LNPK: variants seen among roughly 807,000 people sequenced by gnomAD.
LNPK encodes the protein lunapark, ER junction formation factor.
A neutral mutation model predicts 55.2 loss-of-function variants in LNPK; 29 were observed. The observed-to-expected ratio is 0.53, with a 90% confidence interval of 0.39 to 0.72. LNPK has a LOEUF of 0.72. Ranked by LOEUF, LNPK falls within the 30% of genes least tolerant of loss-of-function variation. LNPK has a pLI of 0.00. For missense variants in LNPK, 467 were observed against 494.8 expected, an observed-to-expected ratio of 0.94 and a Z score of 0.53; for synonymous variants, 162 against 168.2, an observed-to-expected ratio of 0.96 and a Z score of 0.29.
At chr2:175,967,557 C>T in intron 6 of LNPK, 4 of 742,410 alleles carry the variant, frequency 5.4e-6, no homozygotes, top group Non-Finnish European at 6.6e-6. Context: ...TGTAAGAAAA[C>T]TTTCTTTCAT....
chr2:176,001,384 A>G (rs944075044), intron 1 of LNPK, among the ~76,000 whole-genome samples: 2 of 152,208 alleles, frequency 1.3e-5, no homozygotes, highest in African/African-American at 4.8e-5. Flanking sequence ...CGGAAAACTC[A>G]GTGATTCACG....
chr2:175,939,984 C>G (rs780547031), intron 9 of LNPK, among the ~76,000 whole-genome samples: 1 of 151,946 alleles, frequency 6.6e-6, no homozygotes. Flanking sequence ...TAAAAGCCTA[C>G]GTGATAGTAA....
chr2:175,928,232 G>A lies in LNPK; in HGVS notation c.*1735C>T, dbSNP rs532453755. 5.9e-5 allele frequency: 9 copies of A among 152,100 alleles called. No individual in the cohort carries two copies. The South Asian group carries it at 1.2e-3, about 21-fold the overall frequency. The allele number at this position is 152,100 out of a possible 1,614,324, so 9.4% of individuals were successfully genotyped here. Reference sequence around the variant, plus strand: ...TTTTTTACTTTCCTCATCTGCAAGAGGAAAAACTTATGGTCCTTGCATATT... The same window carrying A: ...TTTTTTACTTTCCTCATCTGCAAGAAGAAAAACTTATGGTCCTTGCATATT... On this transcript the variant is annotated 3_prime_UTR_variant, in exon 13 of 13. Coordinates refer to ENST00000272748, the MANE Select transcript of LNPK (RefSeq NM_030650.3).
At chr2:175,956,313 C>T (rs1374448496) in intron 8 of LNPK, among the ~76,000 whole-genome samples, 1 of 150,002 alleles carries the variant, frequency 6.7e-6, no homozygotes, top group East Asian at 2.0e-4. Flanking sequence ...ATTTTTAGGG[C>T]ATCCTCCAAA....
Position 175,992,224 on chromosome 2 carries a change from T to C in LNPK, c.257+7A>G. 4 of 1,533,458 alleles carry C rather than the reference T, an allele frequency of 2.6e-6. No individual in the cohort carries two copies. The highest frequency in any genetic ancestry group is 3.5e-6 in the Non-Finnish European group (4 of 1,146,724). The allele number at this position is 1,533,458 out of a possible 1,614,324, so 95.0% of individuals were successfully genotyped here. On this transcript the variant is annotated splice_region_variant and intron_variant, in intron 4 of 12. Transcript: ENST00000272748. ...GAAAAGATCAACAAAAAGAATAATT[T>C]ACTTACATCAATGGAAAAGCAAAAA...
At chr2:175,986,454 T>A (rs933935825) in intron 4 of LNPK, among the ~76,000 whole-genome samples, 5 of 151,992 alleles carry the variant, frequency 3.3e-5, no homozygotes, top group South Asian at 2.1e-4. Context: ...CCAAAATAAA[T>A]CACTATGTAT....
At chr2:175,968,081 G>A (rs1201000736) in intron 6 of LNPK, among the ~76,000 whole-genome samples, 2 of 152,034 alleles carry the variant, frequency 1.3e-5, no homozygotes, top group South Asian at 2.1e-4. Context: ...TGCCATAAAT[G>A]CCCACAAAAC....
At chr2:175,991,509 AG>A (rs1559074306) in intron 4 of LNPK, among the ~76,000 whole-genome samples, 1 of 152,202 alleles carries the variant, frequency 6.6e-6, no homozygotes, top group Non-Finnish European at 1.5e-5. Flanking sequence ...ATTTTTTTAT[AG>A]TAGTATTCAG....
intron 1 of LNPK, among the ~76,000 whole-genome samples, chr2:176,000,071 G>A (rs1026878725): frequency 2.6e-5 from 4 of 152,104 alleles, no homozygotes; most frequent in African/African-American, 9.7e-5. Context: ...CGACCTAAAT[G>A]TGCTTTTCAA....
chr2:175,989,877 T>C (rs1687614526), intron 4 of LNPK, among the ~76,000 whole-genome samples: 1 of 152,196 alleles, frequency 6.6e-6, no homozygotes, highest in Non-Finnish European at 1.5e-5. Flanking sequence ...AGTATTGATA[T>C]TCTACCATAA....
intron 8 of LNPK, among the ~76,000 whole-genome samples, chr2:175,952,628 C>T (rs1685480291): frequency 6.6e-6 from 1 of 150,528 alleles, no homozygotes; most frequent in African/African-American, 2.4e-5. Flanking sequence ...CTCAATAGGT[C>T]AATGTCTTTT....
intron 12 of LNPK, chr2:175,935,816 T>C (rs1266445549): frequency 3.1e-6 from 2 of 642,170 alleles, no homozygotes; most frequent in Non-Finnish European, 3.9e-6. Flanking sequence ...AGGATAGGTA[T>C]AGCTGGGTGT....
chr2:175,980,454 A>G (rs1359095318), intron 4 of LNPK, among the ~76,000 whole-genome samples: 1 of 152,240 alleles, frequency 6.6e-6, no homozygotes, highest in Non-Finnish European at 1.5e-5. Context: ...AAGATTTTAT[A>G]AGGATAATTC....
chr2:175,990,266 T>G (rs2105714931), intron 4 of LNPK, among the ~76,000 whole-genome samples: 1 of 152,294 alleles, frequency 6.6e-6, no homozygotes, highest in East Asian at 1.9e-4. Flanking sequence ...GGCGAGAGTT[T>G]GCCCTCTATT....
chr2:175,966,176 G>T (rs898905960), intron 6 of LNPK, among the ~76,000 whole-genome samples: 3 of 152,114 alleles, frequency 2.0e-5, no homozygotes, highest in Non-Finnish European at 4.4e-5. Flanking sequence ...GCGATTCTCT[G>T]CCTCAGGCTC....
chr2:175,947,547 A>T lies in LNPK; in HGVS notation c.639T>A (p.Thr213=). 1.2e-6 allele frequency: 2 copies of T among 1,614,050 alleles called. No homozygotes were observed. Among genetic ancestry groups the T allele is most frequent in the African/African-American group, 2.7e-5 (2 of 75,048 alleles). Residue 213 remains threonine, a synonymous_variant, in exon 9 of 13, where the codon ACT becomes ACA. Coordinates refer to ENST00000272748, the MANE Select transcript of LNPK (RefSeq NM_030650.3). ...GTAACACATTTGATGATAGGGCTGG[A>T]GTAACAGTCCTTTCTGGGGGTCCAC... ...APGGPPERTV[T]PALSSNVLPR... is the part of the protein sequence containing the mutation.
At chr2:175,993,953 A>G (rs1423963927) in intron 2 of LNPK, among the ~76,000 whole-genome samples, 1 of 152,192 alleles carries the variant, frequency 6.6e-6, no homozygotes, top group Non-Finnish European at 1.5e-5. Context: ...AAGACTCTGG[A>G]GGTCAAAATC....
In LNPK at chr2:175,925,661, C is replaced by CTTTTTTTTTTTTTTTTTTTTTTTT. The variant is rs756849996; in HGVS notation, c.*4305_*4306insAAAAAAAAAAAAAAAAAAAAAAAA. On this transcript the variant is annotated 3_prime_UTR_variant, in exon 13 of 13. Coordinates refer to ENST00000272748, the MANE Select transcript of LNPK (RefSeq NM_030650.3). ...AGCAATGGCGTGGCAGATTCATTTT[C>CTTTTTTTTTTTTTTTTTTTTTTTT]TTTCTTTCTTTTTTTTTTTTGAGAT... 6.7e-6 allele frequency: 1 copy of CTTTTTTTTTTTTTTTTTTTTTTTT among 149,610 alleles called. No homozygotes were observed. The allele number at this position is 149,610 out of a possible 1,614,324, so 9.3% of individuals were successfully genotyped here.
intron 4 of LNPK, among the ~76,000 whole-genome samples, chr2:175,989,593 G>A (rs1348104483): frequency 6.6e-6 from 1 of 152,038 alleles, no homozygotes; most frequent in Non-Finnish European, 1.5e-5. Context: ...CAACTCCCAA[G>A]GTAATGCATG....
Sources: gnomAD v4.1 joint callset for allele counts (sites outside exome capture counted in the v4.1 genomes callset) on GRCh38, gnomAD v4.1.1 for gene constraint, MANE v1.5 for transcripts, NCBI Gene and HGNC (gene_info 2026-07-23, HGNC 2026-07-21) for gene names.